The following NOTCH2NLR variants were observed in gnomAD, a reference collection of about 807,000 sequenced individuals.
The protein encoded by NOTCH2NLR is notch 2 N-terminal like R (pseudogene).
NOTCH2NLR carries 33 observed loss-of-function variants against 35.6 expected under a neutral mutation model. That is an observed-to-expected ratio of 0.93 (90% CI 0.70 to 1.24). NOTCH2NLR has a LOEUF of 1.24. Among genes scored for constraint, NOTCH2NLR ranks in the 50% most tolerant of loss-of-function variants. The pLI is 0.00. For missense variants in NOTCH2NLR, 276 were observed against 362.2 expected, an observed-to-expected ratio of 0.76 and a Z score of 1.93; for synonymous variants, 103 against 141.0, an observed-to-expected ratio of 0.73 and a Z score of 1.91.
At chr1:120,763,500 T>C in intron 1 of NOTCH2NLR, 128 bp from the exon 2 acceptor site, 7 of 462,960 alleles carry the variant, frequency 1.5e-5, no homozygotes, top group East Asian at 6.8e-5. Flanking sequence ...AAAAAACTGA[T>C]TAAAACTCTA....
intron 2 of NOTCH2NLR, among the ~76,000 whole-genome samples, chr1:120,781,768 C>T (rs1222605716): frequency 8.7e-6 from 1 of 115,494 alleles, no homozygotes; most frequent in East Asian, 2.0e-4. Flanking sequence ...CTGTGTTAGC[C>T]AGGATGGTCT....
rs1277106583 is a variant in NOTCH2NLR, at chr1:120,764,186, G to A, written c.155+477G>A. Among the ~76,000 whole-genome samples the A allele has an allele frequency of 5.2e-5, 6 of 115,100 alleles. 1 individual carries two copies. The highest frequency in any genetic ancestry group is 1.0e-4 in the Non-Finnish European group (6 of 59,770). The allele number at this position is 115,100 out of a possible 152,430, so 75.5% of individuals were successfully genotyped here. A position where few individuals can be genotyped will look rare whatever the true frequency, so the allele number is the denominator to read the frequency against. ...GACTTGAACCCAGGAGGCGGAGGTT[G>A]CAGTGAGCTGAGACCACATCATTGC... On this transcript the variant is annotated intron_variant, in intron 2 of 4. Coordinates refer to ENST00000624419, the Ensembl canonical transcript of NOTCH2NLR.
downstream of NOTCH2NLR, among the ~76,000 whole-genome samples, chr1:120,794,446 G>A: frequency 8.6e-6 from 1 of 115,842 alleles, no homozygotes; most frequent in Non-Finnish European, 1.6e-5. Flanking sequence ...AACAAAAGAA[G>A]GAAAACTGTA....
Position 120,756,089 on chromosome 1 carries a change from C to T in NOTCH2NLR, c.74-7539C>T, listed in dbSNP as rs1439491483. Among the ~76,000 whole-genome samples, 7 of 114,220 alleles carry T rather than the reference C, an allele frequency of 6.1e-5. 1 individual carries two copies. Among genetic ancestry groups the T allele is most frequent in the Middle Eastern group, 3.9e-3 (1 of 256 alleles). 74.9% of individuals were successfully genotyped at this position (114,220 alleles called of 152,430 possible). ...TGGATTTTTTTTTCATGGCTTGATC[C>T]CAAAAAATGGAACACAAAATTTAGA... is the stretch of plus-strand genomic sequence containing the variant. On this transcript the variant is annotated intron_variant, in intron 1 of 4. Coordinates refer to ENST00000624419, the Ensembl canonical transcript of NOTCH2NLR.
At chr1:120,777,733 C>CT (rs1231073924) in intron 2 of NOTCH2NLR, among the ~76,000 whole-genome samples, 4 of 89,792 alleles carry the variant, frequency 4.5e-5, no homozygotes, top group Non-Finnish European at 8.0e-5. Flanking sequence ...AGCTTCTTCT[C>CT]TTTTTTTCCC....
intron 3 of NOTCH2NLR, among the ~76,000 whole-genome samples, chr1:120,790,490 T>C (rs1651474947): frequency 1.7e-5 from 2 of 116,380 alleles, no homozygotes; most frequent in Non-Finnish European, 3.3e-5. Context: ...ACATAATATA[T>C]ATGGAAACCA....
chr1:120,784,948 C>T (rs1651404593), intron 2 of NOTCH2NLR, 26 bp from the exon 3 acceptor site: 2 of 1,321,514 alleles, frequency 1.5e-6, no homozygotes, highest in Middle Eastern at 4.0e-4. Flanking sequence ...CAGGTGTTTT[C>T]ATGGACTCTT....
chr1:120,728,746 A>T (rs2101343242), intron 1 of NOTCH2NLR, among the ~76,000 whole-genome samples: 1 of 116,256 alleles, frequency 8.6e-6, no homozygotes, highest in Admixed American at 8.2e-5. Context: ...GATTTTTTTC[A>T]TTGAGTTGGA....
intron 1 of NOTCH2NLR, among the ~76,000 whole-genome samples, chr1:120,758,766 T>C (rs1651102431): frequency 2.2e-5 from 1 of 46,232 alleles, no homozygotes; most frequent in Non-Finnish European, 3.7e-5. Context: ...AATACCAGTC[T>C]AATTCCCACT....
rs1651364919 is a variant in NOTCH2NLR at position 120,781,823 on chromosome 1, G to T, written c.156-3151G>T. 1.7e-5 allele frequency among the ~76,000 whole-genome samples: 2 copies of T among 117,718 alleles called. 1 individual carries two copies. The highest frequency in any genetic ancestry group is 9.4e-5 in the African/African-American group (2 of 21,298). 77.2% of individuals were successfully genotyped at this position (117,718 alleles called of 152,430 possible). On this transcript the variant is annotated intron_variant, in intron 2 of 4. Coordinates refer to ENST00000624419, the Ensembl canonical transcript of NOTCH2NLR. ...TCTGCCTGCCTCGGCCTCCCAAAGT[G>T]CTGAGATTACTGGTGTGAGCCACCG...
At chr1:120,752,563 T>A (rs1651034202) in intron 1 of NOTCH2NLR, among the ~76,000 whole-genome samples, 3 of 28,306 alleles carry the variant, frequency 1.1e-4, no homozygotes, top group African/African-American at 6.6e-4. Context: ...TATTTTTTTT[T>A]TTTTTTTTTT....
At chr1:120,752,575 C>CT (rs1328418490) in intron 1 of NOTCH2NLR, among the ~76,000 whole-genome samples, 6 of 15,180 alleles carry the variant, frequency 4.0e-4, no homozygotes, top group Non-Finnish European at 4.7e-4. Context: ...TTTTTTTTTT[C>CT]TTTTTTTTTT....
Position 120,728,812 on chromosome 1 carries a change from C to CTT in NOTCH2NLR, c.73+4574_73+4575dup, listed in dbSNP as rs1348211431. Among the ~76,000 whole-genome samples the CTT allele has an allele frequency of 6.1e-4, 62 of 101,974 alleles. 13 individuals are homozygous for CTT. Among genetic ancestry groups the CTT allele is most frequent in the African/African-American group, 3.2e-3 (54 of 16,800 alleles). 66.9% of individuals were successfully genotyped at this position (101,974 alleles called of 152,430 possible). A position where few individuals can be genotyped will look rare whatever the true frequency, so the allele number is the denominator to read the frequency against. On this transcript the variant is annotated intron_variant, in intron 1 of 4. Transcript: ENST00000624419. ...ATGTACATTTAGTAAAGTATATTTG[C>CTT]TTTTTTTTTTTTTGAACCAAGAGAG...
rs1249348818 is a variant in NOTCH2NLR at position 120,766,606 on chromosome 1, C to A, written c.155+2897C>A. Among the ~76,000 whole-genome samples, 4 of 15,670 alleles carry A rather than the reference C, an allele frequency of 2.6e-4. 2 individuals carry two copies. The highest frequency in any genetic ancestry group is 2.6e-3 in the African/African-American group (2 of 770). The allele number at this position is 15,670 out of a possible 152,430, so 10.3% of individuals were successfully genotyped here. Reference sequence around the variant, plus strand: ...CGGAGCTTGCAGTGAGCCAAGATTGCACCACTGCACTCCAGCCTGAGCGAC... The same window carrying A: ...CGGAGCTTGCAGTGAGCCAAGATTGAACCACTGCACTCCAGCCTGAGCGAC... On this transcript the variant is annotated intron_variant, in intron 2 of 4. Transcript: ENST00000624419.
At position 120,747,458 on chromosome 1, in the gene NOTCH2NLR, G is replaced by T. The variant is rs1351497200; in HGVS notation, c.74-16170G>T. ...ATACTGTATACTCTTGAGCGCATAT[G>T]TATCCTACTTTATGAAATCTGGGGG... On this transcript the variant is annotated intron_variant, in intron 1 of 4. Coordinates refer to ENST00000624419, the Ensembl canonical transcript of NOTCH2NLR. Among the ~76,000 whole-genome samples, 16 of 29,338 alleles carry T rather than the reference G, an allele frequency of 5.5e-4. 7 individuals carry two copies. Among genetic ancestry groups the T allele is most frequent in the South Asian group, 2.8e-3 (5 of 1,810 alleles). The allele number at this position is 29,338 out of a possible 152,430, so 19.2% of individuals were successfully genotyped here. A position where few individuals can be genotyped will look rare whatever the true frequency, so the allele number is the denominator to read the frequency against.
intron 2 of NOTCH2NLR, among the ~76,000 whole-genome samples, chr1:120,781,717 C>G (rs1651363504): frequency 9.8e-6 from 1 of 102,028 alleles, no homozygotes; most frequent in Non-Finnish European, 1.8e-5. Context: ...GCGCCTGCCA[C>G]CACGCCTGGC....
intron 1 of NOTCH2NLR, among the ~76,000 whole-genome samples, chr1:120,752,544 A>ATG (rs1651029981): frequency 1.4e-4 from 2 of 14,104 alleles, no homozygotes; most frequent in African/African-American, 7.9e-4. Flanking sequence ...ATATATATAT[A>ATG]TATATATATA....
chr1:120,781,703 A>G (rs1651363243), intron 2 of NOTCH2NLR, among the ~76,000 whole-genome samples: 2 of 81,470 alleles, frequency 2.5e-5, no homozygotes, highest in Admixed American at 2.3e-4. Flanking sequence ...AGCTGGGACT[A>G]CAGGCGCCTG....
At chr1:120,770,352 G>A (rs1425476534) in intron 2 of NOTCH2NLR, among the ~76,000 whole-genome samples, 1 of 109,958 alleles carries the variant, frequency 9.1e-6, no homozygotes, top group Non-Finnish European at 1.7e-5. Flanking sequence ...TGTATTTTTA[G>A]TAGAGACGGG....
Sources: gnomAD v4.1 joint callset for allele counts (sites outside exome capture counted in the v4.1 genomes callset) on GRCh38, gnomAD v4.1.1 for gene constraint, MANE v1.5 for transcripts, NCBI Gene and HGNC (gene_info 2026-07-23, HGNC 2026-07-21) for gene names.